Variants in ATP2C1 observed in about 807,000 individuals in gnomAD.
The protein encoded by ATP2C1 is calcium-transporting ATPase type 2C member 1.
In ATP2C1, 31 loss-of-function variants were observed where a neutral mutation model predicts 120.5. The observed-to-expected ratio is 0.26, with a 90% confidence interval of 0.19 to 0.35. ATP2C1 has a LOEUF of 0.35. Ranked by LOEUF, ATP2C1 falls within the 10% of genes least tolerant of loss-of-function variation. The pLI is 1.00. For missense variants in ATP2C1, 731 were observed against 1,107.5 expected (o/e 0.66, Z 4.83); for synonymous variants, 351 against 358.7 (o/e 0.98, Z 0.24).
chr3:130,918,217 C>G, intron 2 of ATP2C1: 2 of 1,419,062 alleles, frequency 1.4e-6, no homozygotes, highest in South Asian at 2.3e-5. Context: ...TGGGTTTACA[C>G]CTTACTGGGC....
intron 7 of ATP2C1, among the ~76,000 whole-genome samples, chr3:130,941,244 GTGTGTGTGTGTGTGTGTGTGTC>G (rs1192729393): frequency 1.3e-5 from 2 of 149,088 alleles, no homozygotes; most frequent in Non-Finnish European, 3.0e-5. Flanking sequence ...GTGTGTGTGT[GTGTGTGTGTGTGTGTGTGTGTC>G]TGTGTGTGTG....
intron 2 of ATP2C1, among the ~76,000 whole-genome samples, chr3:130,902,310 T>TG (rs1479936174): frequency 9.3e-6 from 1 of 107,948 alleles, no homozygotes; most frequent in Non-Finnish European, 2.0e-5. Context: ...TTTTTTTTTT[T>TG]TTTTTTTTTT....
At chr3:130,868,094 G>GC in intron 1 of ATP2C1, 1 of 146,390 alleles carries the variant, frequency 6.8e-6, no homozygotes, top group African/African-American at 2.5e-5. Context: ...TCTCCGCCCG[G>GC]CAGCCACCCC....
chr3:131,003,905 AT>A (rs577833589), downstream of ATP2C1, among the ~76,000 whole-genome samples: 273 of 152,348 alleles, frequency 1.8e-3, 1 homozygote, highest in African/African-American at 6.3e-3. Context: ...AGGAAACTTA[AT>A]TAACTCTACC....
At chr3:130,912,766 T>G (rs1478252563) in intron 2 of ATP2C1, among the ~76,000 whole-genome samples, 14 of 150,502 alleles carry the variant, frequency 9.3e-5, no homozygotes, top group Admixed American at 6.6e-4. Context: ...TATACCCAAA[T>G]GACTATAAAT....
rs117094291 is a variant in ATP2C1, at chr3:130,978,122, G to T, written c.1571-1127G>T. 3.4e-3 allele frequency among the ~76,000 whole-genome samples: 520 copies of T among 152,230 alleles called. 16 individuals are homozygous for T. The highest frequency in any genetic ancestry group is 0.023 in the Admixed American group (346 of 15,268). Reference sequence around the variant, plus strand: ...TTTGCTGACATATATTTTTGTCACTGTCCCCTTCTGTTACCATCAGCCTCT... The same window carrying T: ...TTTGCTGACATATATTTTTGTCACTTTCCCCTTCTGTTACCATCAGCCTCT... On this transcript the variant is annotated intron_variant, in intron 18 of 27. Transcript: ENST00000510168.
intron 20 of ATP2C1, among the ~76,000 whole-genome samples, chr3:130,990,582 A>G (rs2062283650): frequency 6.6e-6 from 1 of 152,160 alleles, no homozygotes; most frequent in Non-Finnish European, 1.5e-5. Flanking sequence ...TTGTTTTGAG[A>G]GAGATGTGAA....
chr3:130,984,501 C>T (rs1255530795), intron 20 of ATP2C1, among the ~76,000 whole-genome samples: 2 of 152,206 alleles, frequency 1.3e-5, no homozygotes, highest in African/African-American at 4.8e-5. Context: ...CCACTTCCCT[C>T]ATCCTCTAGC....
intron 7 of ATP2C1, among the ~76,000 whole-genome samples, chr3:130,940,905 ATTTTTTTTT>A (rs749879416): frequency 4.6e-5 from 4 of 86,114 alleles, no homozygotes; most frequent in South Asian, 4.6e-4. Flanking sequence ...TATTTAACAG[ATTTTTTTTT>A]TTTTTTTTTT....
intron 1 of ATP2C1, among the ~76,000 whole-genome samples, chr3:130,872,558 C>T (rs2068467888): frequency 6.6e-6 from 1 of 151,802 alleles, no homozygotes; most frequent in Non-Finnish European, 1.5e-5. Flanking sequence ...CATGAGACTA[C>T]ACTCCCATTT....
chr3:130,894,149 T>TC lies in ATP2C1; in HGVS notation c.-365dup. On this transcript the variant is annotated 5_prime_UTR_variant, in exon 1 of 28. Coordinates refer to ENST00000510168, the MANE Select transcript of ATP2C1 (RefSeq NM_001378687.1). The surrounding 1 kb of genome is among the most constrained non-coding windows in gnomAD (Gnocchi z 4.5). ...ACGGGTCCCCTCACCTCCTCTTCTC[T>TC]CCCCTCCCCGCCCGCCCTCTCTCCC... 1.7e-4 allele frequency: 119 copies of TC among 694,732 alleles called. No individual in the cohort carries two copies. Among genetic ancestry groups the TC allele is most frequent in the South Asian group, 1.9e-4 (3 of 15,494 alleles). 43.0% of individuals were successfully genotyped at this position (694,732 alleles called of 1,614,324 possible). A position where few individuals can be genotyped will look rare whatever the true frequency, so the allele number is the denominator to read the frequency against.
intron 22 of ATP2C1, among the ~76,000 whole-genome samples, chr3:130,995,414 C>CAA (rs778589516): frequency 9.4e-6 from 1 of 106,446 alleles, no homozygotes. Flanking sequence ...GACCCTGTCT[C>CAA]AAAAAAAAAA....
At chr3:130,889,202 G>A (rs1333989657), upstream of ATP2C1, among the ~76,000 whole-genome samples, 1 of 152,052 alleles carries the variant, frequency 6.6e-6, no homozygotes, top group Non-Finnish European at 1.5e-5. Flanking sequence ...CACAACTTTG[G>A]GATATGAGAG....
intron 5 of ATP2C1, among the ~76,000 whole-genome samples, chr3:130,936,985 A>G (rs866701947): frequency 2.0e-4 from 31 of 151,572 alleles, no homozygotes; most frequent in Admixed American, 4.0e-4. Context: ...ATATTAAAAT[A>G]TAAAAATTTA....
intron 5 of ATP2C1, among the ~76,000 whole-genome samples, chr3:130,936,339 A>G (rs2059669253): frequency 6.6e-6 from 1 of 152,220 alleles, no homozygotes; most frequent in South Asian, 2.1e-4. Flanking sequence ...AAAATCTGAA[A>G]TGGTAAAAGA....
intron 1 of ATP2C1, chr3:130,868,459 C>G (rs1353520794): frequency 9.0e-6 from 1 of 111,058 alleles, no homozygotes; most frequent in African/African-American, 3.3e-5. Flanking sequence ...CCGCCCCGTC[C>G]GGGAGGTGAG....
chr3:130,974,306 C>G (rs1468181410), intron 17 of ATP2C1, among the ~76,000 whole-genome samples: 4 of 152,220 alleles, frequency 2.6e-5, no homozygotes, highest in East Asian at 1.9e-4. Context: ...TGCTGCCTCC[C>G]TGTCCCCAAA....
intron 26 of ATP2C1, among the ~76,000 whole-genome samples, chr3:131,010,547 A>G (rs1368018126): frequency 6.6e-6 from 1 of 152,128 alleles, no homozygotes; most frequent in Admixed American, 6.5e-5. Context: ...GGCTTTAAAA[A>G]CACTACAGAA....
At chr3:130,998,594 C>T (rs897851711) in intron 26 of ATP2C1, among the ~76,000 whole-genome samples, 10 of 152,174 alleles carry the variant, frequency 6.6e-5, no homozygotes, top group African/African-American at 2.4e-4. Context: ...TTATGTCTGA[C>T]TAGAACATAA....
Sources: gnomAD v4.1 joint callset for allele counts (sites outside exome capture counted in the v4.1 genomes callset) on GRCh38, gnomAD v4.1.1 for gene constraint, Gnocchi (gnomAD v3.1) non-coding constraint, MANE v1.5 for transcripts, NCBI Gene and HGNC (gene_info 2026-07-23, HGNC 2026-07-21) for gene names.